Variants in CNTLN observed in about 807,000 individuals in gnomAD.
CNTLN encodes the protein centlein, centrosomal protein.
In CNTLN, 212 loss-of-function variants were observed where a neutral mutation model predicts 180.0. That is an observed-to-expected ratio of 1.18 (90% CI 1.05 to 1.32). CNTLN has a LOEUF of 1.32. Ranked by LOEUF, CNTLN falls within the 40% of genes most tolerant of loss-of-function variation. CNTLN has a pLI of 0.00. For synonymous variants in CNTLN, 722 were observed against 563.1 expected, an observed-to-expected ratio of 1.28 and a Z score of -3.99; for missense variants, 2,095 against 1,610.9, an observed-to-expected ratio of 1.30 and a Z score of -5.14.
chr9:17,491,945 C>T (rs1224180884), intron 25 of CNTLN, among the ~76,000 whole-genome samples: 1 of 146,834 alleles, frequency 6.8e-6, no homozygotes, highest in Non-Finnish European at 1.5e-5. Flanking sequence ...CTCCTTGCAT[C>T]TCTGAAGCCA....
intron 5 of CNTLN, among the ~76,000 whole-genome samples, chr9:17,241,087 T>A (rs935753168): frequency 3.3e-5 from 5 of 152,154 alleles, no homozygotes; most frequent in African/African-American, 1.2e-4. Context: ...CTCGATCTCC[T>A]GACCTGGTGA....
At chr9:17,291,154 T>C (rs1010378520) in intron 6 of CNTLN, among the ~76,000 whole-genome samples, 1 of 152,192 alleles carries the variant, frequency 6.6e-6, no homozygotes, top group Non-Finnish European at 1.5e-5. Flanking sequence ...TTGATTGCGC[T>C]GTTTTCTGAG....
chr9:17,150,395 T>C (rs1414964573), intron 2 of CNTLN, among the ~76,000 whole-genome samples: 1 of 152,224 alleles, frequency 6.6e-6, no homozygotes, highest in Non-Finnish European at 1.5e-5. Context: ...CAACACCATT[T>C]ATTAAATAGG....
At chr9:17,193,848 A>G (rs1166856756) in intron 2 of CNTLN, among the ~76,000 whole-genome samples, 4 of 152,214 alleles carry the variant, frequency 2.6e-5, no homozygotes, top group African/African-American at 9.6e-5. Flanking sequence ...CCCTGCAACA[A>G]ACTTCTGCCT....
At chr9:17,434,733 T>A (rs752723386) in intron 18 of CNTLN, among the ~76,000 whole-genome samples, 4 of 152,116 alleles carry the variant, frequency 2.6e-5, no homozygotes, top group African/African-American at 9.7e-5. Flanking sequence ...CAATTAAGTA[T>A]GTTTAATTAA....
intron 13 of CNTLN, among the ~76,000 whole-genome samples, chr9:17,380,577 T>C (rs1442039848): frequency 2.6e-5 from 4 of 152,198 alleles, no homozygotes; most frequent in Non-Finnish European, 4.4e-5. Flanking sequence ...CCCCATGAGG[T>C]GTGCCAGGTA....
chr9:17,235,524 A>T, intron 3 of CNTLN, 134 bp from the exon 4 acceptor site: 1 of 682,366 alleles, frequency 1.5e-6, no homozygotes, highest in Non-Finnish European at 2.4e-6. Context: ...AGGAGATGAG[A>T]ATTGTGGTGA....
rs967668376 is a variant in CNTLN, at chr9:17,496,787, C to T, written c.4120-5764C>T. 1.2e-4 allele frequency among the ~76,000 whole-genome samples: 19 copies of T among 152,112 alleles called. No individual in the cohort carries two copies. The South Asian group carries it at 1.5e-3, about 12-fold the overall frequency. The stretch of plus-strand genomic sequence containing the variant: ...TAGACTCTTAAAGCATTATCTCTAG[C>T]GTGTATATCTCACCTAGTCATGAAG... On this transcript the variant is annotated intron_variant, in intron 25 of 25. Transcript: ENST00000380647.
intron 6 of CNTLN, among the ~76,000 whole-genome samples, chr9:17,280,544 C>T (rs1828598480): frequency 6.6e-6 from 1 of 152,082 alleles, no homozygotes; most frequent in South Asian, 2.1e-4. Context: ...GATTCACTTC[C>T]AGTACAGAGT....
intron 3 of CNTLN, 71 bp downstream of exon 3, chr9:17,226,358 TA>T (rs1470242368): frequency 1.9e-5 from 16 of 852,992 alleles, no homozygotes; most frequent in Middle Eastern, 2.8e-4. Flanking sequence ...AAATTATTTT[TA>T]TTTTTTTGCA....
intron 7 of CNTLN, among the ~76,000 whole-genome samples, chr9:17,307,681 G>A (rs1223987074): frequency 6.6e-6 from 1 of 151,982 alleles, no homozygotes; most frequent in East Asian, 1.9e-4. Context: ...TGTTTCAGGA[G>A]ATGTATTAAT....
rs10556334 is a variant in CNTLN, at chr9:17,188,011, C to CATATATAT, written c.450-38178_450-38171dup. On this transcript the variant is annotated intron_variant, in intron 2 of 25. Transcript: ENST00000380647. ...TTATATATACACTATATATATACAC[C>CATATATAT]ATATATATATATATATATATACACA... Among the ~76,000 whole-genome samples, 17 of 145,782 alleles carry CATATATAT rather than the reference C, an allele frequency of 1.2e-4. No homozygotes were observed. The East Asian group carries it at 1.8e-3, about 16-fold the overall frequency.
chr9:17,177,974 C>G (rs1196932859), intron 2 of CNTLN, among the ~76,000 whole-genome samples: 1 of 152,044 alleles, frequency 6.6e-6, no homozygotes, highest in African/African-American at 2.4e-5. Context: ...AATCCCTGAG[C>G]TAGACACAAA....
chr9:17,277,374 C>T (rs1002190335), intron 6 of CNTLN, among the ~76,000 whole-genome samples: 8 of 152,084 alleles, frequency 5.3e-5, no homozygotes, highest in Non-Finnish European at 8.8e-5. Context: ...AGAAAATCTT[C>T]AGACAGAATC....
intron 18 of CNTLN, among the ~76,000 whole-genome samples, chr9:17,445,036 C>T (rs1430779302): frequency 6.6e-6 from 1 of 151,864 alleles, no homozygotes; most frequent in East Asian, 1.9e-4. Context: ...TTTAAAATCC[C>T]ATTTTAAATG....
At chr9:17,370,958 C>T (rs1020939968) in intron 13 of CNTLN, among the ~76,000 whole-genome samples, 7 of 150,850 alleles carry the variant, frequency 4.6e-5, no homozygotes, top group Non-Finnish European at 7.4e-5. Flanking sequence ...ACAGTGGCTA[C>T]GCAAAAAATA....
chr9:17,342,341 A>C lies in CNTLN; in HGVS notation c.1783A>C (p.Ile595Leu). 6.2e-7 allele frequency: 1 copy of C among 1,612,398 alleles called. No homozygotes were observed. The highest frequency in any genetic ancestry group is 1.1e-5 in the South Asian group (1 of 90,572). Reference sequence around the variant, plus strand: ...TAAAAATAGGACTGAAATCAGGAAAATAAAGAGAGCAGATCCCCAACAACT... The same window carrying C: ...TAAAAATAGGACTGAAATCAGGAAACTAAAGAGAGCAGATCCCCAACAACT... Reference protein sequence around the residue: ...EGSGMTEIRKIKRADPQQLRQ... With the variant: ...EGSGMTEIRKLKRADPQQLRQ... The change falls in exon 12 of 26, where the codon ATA becomes CTA. Residue 595 changes from isoleucine (I) to leucine (L), a missense_variant. Physicochemically the swap from Ile to Leu is conservative, Grantham distance 5. Coordinates refer to ENST00000380647, the MANE Select transcript of CNTLN (RefSeq NM_017738.4).
At chr9:17,311,116 C>G (rs868544474) in intron 8 of CNTLN, among the ~76,000 whole-genome samples, 1 of 152,078 alleles carries the variant, frequency 6.6e-6, no homozygotes, top group African/African-American at 2.4e-5. Context: ...CCTCTACCTC[C>G]TGGGTTCAAG....
intron 9 of CNTLN, among the ~76,000 whole-genome samples, chr9:17,331,210 T>C (rs748756980): frequency 6.6e-6 from 1 of 151,900 alleles, no homozygotes; most frequent in African/African-American, 2.4e-5. Context: ...CAATCAGATA[T>C]GATGTTTAAA....
Sources: allele counts gnomAD v4.1 joint callset (sites outside exome capture counted in the v4.1 genomes callset), GRCh38; gene constraint gnomAD v4.1.1; transcripts MANE v1.5; gene names NCBI Gene and HGNC (gene_info 2026-07-23, HGNC 2026-07-21).